REDIC1: variants seen among roughly 807,000 people sequenced by gnomAD.
REDIC1 encodes the protein HEI10 Interacting Protein 1.
At chr12:39,749,944 G>T in the REDIC1 span, among the ~76,000 whole-genome samples, 1 of 152,062 alleles carries the variant, frequency 6.6e-6, no homozygotes, top group Non-Finnish European at 1.5e-5. Context: ...ATTTATGACA[G>T]ACCCACAGCC....
At chr12:39,721,055 A>G in the REDIC1 span, 19 of 1,613,718 alleles carry the variant, frequency 1.2e-5, no homozygotes, top group African/African-American at 2.4e-4. Context: ...TGCGTTCTGC[A>G]GGCTGCAAGG....
chr12:39,870,870 A>G, the REDIC1 span, among the ~76,000 whole-genome samples: 8 of 152,190 alleles, frequency 5.3e-5, no homozygotes, highest in Non-Finnish European at 1.0e-4. Flanking sequence ...TTTGGAACTT[A>G]GAATGTATTT....
the REDIC1 span, among the ~76,000 whole-genome samples, chr12:39,712,347 TATATAC>T: frequency 5.3e-4 from 25 of 46,894 alleles, 1 homozygote; most frequent in African/African-American, 9.9e-4. Flanking sequence ...CCTGTATTTA[TATATAC>T]ATACATACAT....
the REDIC1 span, among the ~76,000 whole-genome samples, chr12:39,737,212 C>T: frequency 6.6e-6 from 1 of 152,164 alleles, no homozygotes; most frequent in Non-Finnish European, 1.5e-5. Flanking sequence ...GCACCTGGCT[C>T]TTTTAAAGCA....
At chr12:39,685,075 C>T in the REDIC1 span, 1 of 525,100 alleles carries the variant, frequency 1.9e-6, no homozygotes, top group South Asian at 4.0e-5. Context: ...CTTTTTTATT[C>T]TGAGGAAATT....
At chr12:39,850,400 C>T in the REDIC1 span, among the ~76,000 whole-genome samples, 1 of 152,092 alleles carries the variant, frequency 6.6e-6, no homozygotes, top group Non-Finnish European at 1.5e-5. Context: ...AGCCATGGCA[C>T]TCATTGTTAG....
the REDIC1 span, among the ~76,000 whole-genome samples, chr12:39,645,089 T>C: frequency 6.6e-6 from 1 of 151,962 alleles, no homozygotes; most frequent in South Asian, 2.1e-4. Context: ...GATAGGGATA[T>C]TATTTTCTTC....
chr12:39,894,689 A>T, the REDIC1 span, among the ~76,000 whole-genome samples: 744 of 152,334 alleles, frequency 4.9e-3, 3 homozygotes, highest in Non-Finnish European at 7.7e-3. Flanking sequence ...GCTAAAGCAG[A>T]TATGATCAAT....
At chr12:39,905,212 A>G in the REDIC1 span, among the ~76,000 whole-genome samples, 1 of 152,136 alleles carries the variant, frequency 6.6e-6, no homozygotes, top group Admixed American at 6.6e-5. Flanking sequence ...GTACTAAAGA[A>G]AAGTGATGAG....
At chr12:39,906,205 C>G in the REDIC1 span, among the ~76,000 whole-genome samples, 1 of 152,190 alleles carries the variant, frequency 6.6e-6, no homozygotes, top group African/African-American at 2.4e-5. Context: ...ATTTTCAATT[C>G]TTGAAGTCAG....
the REDIC1 span, among the ~76,000 whole-genome samples, chr12:39,823,371 T>C: frequency 1.3e-5 from 2 of 152,180 alleles, no homozygotes; most frequent in East Asian, 3.9e-4. Context: ...TACCTTAAGA[T>C]ACTGATGTGG....
chr12:39,747,721 C>A, the REDIC1 span, among the ~76,000 whole-genome samples: 1 of 152,214 alleles, frequency 6.6e-6, no homozygotes, highest in Admixed American at 6.5e-5. Flanking sequence ...AGACTAACAG[C>A]TGATCTTTCA....
the REDIC1 span, among the ~76,000 whole-genome samples, chr12:39,856,541 G>A: frequency 6.6e-6 from 1 of 151,942 alleles, no homozygotes; most frequent in African/African-American, 2.4e-5. Context: ...GCTAATTTTT[G>A]TATTTTTAGT....
At chr12:39,651,615 A>G in the REDIC1 span, among the ~76,000 whole-genome samples, 1 of 152,154 alleles carries the variant, frequency 6.6e-6, no homozygotes, top group East Asian at 1.9e-4. Context: ...AAAATTATCT[A>G]CTTACATTTC....
chr12:39,659,969 TA>T, the REDIC1 span, among the ~76,000 whole-genome samples: 3 of 152,152 alleles, frequency 2.0e-5, no homozygotes, highest in Non-Finnish European at 4.4e-5. Flanking sequence ...GCAGGACCAA[TA>T]AGCCTTCAGT....
At chr12:39,779,685 C>A in the REDIC1 span, among the ~76,000 whole-genome samples, 1 of 152,124 alleles carries the variant, frequency 6.6e-6, no homozygotes, top group Non-Finnish European at 1.5e-5. Context: ...AATTTCTTGA[C>A]CTCTAAGAAA....
At chr12:39,702,648 C>A in the REDIC1 span, among the ~76,000 whole-genome samples, 5 of 152,114 alleles carry the variant, frequency 3.3e-5, no homozygotes, top group Non-Finnish European at 7.4e-5. Context: ...GAATTTTAGA[C>A]CAATATCCTT....
chr12:39,775,402 T>C, the REDIC1 span, among the ~76,000 whole-genome samples: 7 of 152,246 alleles, frequency 4.6e-5, no homozygotes, highest in Admixed American at 2.0e-4. Flanking sequence ...GGCCTACTTC[T>C]GCCTCTCCAG....
At chr12:39,689,084 G>T in the REDIC1 span, among the ~76,000 whole-genome samples, 1 of 152,192 alleles carries the variant, frequency 6.6e-6, no homozygotes, top group Non-Finnish European at 1.5e-5. Flanking sequence ...CATATGGCTA[G>T]ATCTCACTAA....
Sources: allele counts gnomAD v4.1 joint callset (sites outside exome capture counted in the v4.1 genomes callset), GRCh38; gene constraint gnomAD v4.1.1; transcripts MANE v1.5; gene names NCBI Gene and HGNC (gene_info 2026-07-23, HGNC 2026-07-21).